Variants in FRK observed in about 807,000 individuals in gnomAD.
The protein encoded by FRK is tyrosine-protein kinase FRK.
In FRK, 51 loss-of-function variants were observed where a neutral mutation model predicts 56.4. The ratio of observed to expected loss-of-function variants is 0.90; its 90% CI spans 0.72 to 1.14. The LOEUF is 1.14. FRK is among the 50% of genes most tolerant of loss of function. FRK has a pLI of 0.00. For synonymous variants in FRK, 245 were observed against 217.9 expected (o/e 1.12, Z -1.10); for missense variants, 570 against 601.4 (o/e 0.95, Z 0.55).
chr6:115,942,186 A>G lies in FRK; in HGVS notation c.*228T>C. ...AAAAATAACTTGGTTTAGTGTGCTT[A>G]ATTTTACCAGGCAGTGAGGAAATTA... On this transcript the variant is annotated 3_prime_UTR_variant, in exon 8 of 8. Transcript: ENST00000606080. The G allele has an allele frequency of 4.6e-6, 2 of 430,656 alleles. No individual in the cohort carries two copies. The highest frequency in any genetic ancestry group is 5.6e-5 in the South Asian group (2 of 35,574). The allele number at this position is 430,656 out of a possible 1,614,324, so 26.7% of individuals were successfully genotyped here. A position where few individuals can be genotyped will look rare whatever the true frequency, so the allele number is the denominator to read the frequency against.
At chr6:115,947,963 C>T (rs750558844) in intron 5 of FRK, among the ~76,000 whole-genome samples, 2 of 152,128 alleles carry the variant, frequency 1.3e-5, no homozygotes, top group Non-Finnish European at 2.9e-5. Flanking sequence ...TTACCAGTAC[C>T]TCCTGATATT....
At chr6:115,997,216 A>G (rs1774874215) in intron 2 of FRK, among the ~76,000 whole-genome samples, 2 of 152,208 alleles carry the variant, frequency 1.3e-5, no homozygotes, top group African/African-American at 2.4e-5. Flanking sequence ...ATTACTTTGA[A>G]GAGCAAAACA....
intron 2 of FRK, among the ~76,000 whole-genome samples, chr6:115,986,386 A>G (rs1231908635): frequency 4.6e-5 from 7 of 152,268 alleles, no homozygotes; most frequent in Admixed American, 2.0e-4. Flanking sequence ...CAGTCGAGCC[A>G]TGACCAAACC....
chr6:115,952,732 C>G (rs1427536225), intron 5 of FRK, among the ~76,000 whole-genome samples: 5 of 151,762 alleles, frequency 3.3e-5, no homozygotes, highest in Non-Finnish European at 7.4e-5. Context: ...CCATGGAATA[C>G]TATGCAGCCA....
the FRK span, among the ~76,000 whole-genome samples, chr6:116,087,409 G>C: frequency 6.6e-6 from 1 of 152,202 alleles, no homozygotes; most frequent in Non-Finnish European, 1.5e-5. Context: ...GATCAGCCCT[G>C]CCCTCTGCAC....
At chr6:116,001,759 T>C (rs1009279) in intron 2 of FRK, among the ~76,000 whole-genome samples, 1,917 of 152,312 alleles carry the variant, frequency 0.013, 11 homozygotes, top group Middle Eastern at 0.024. Flanking sequence ...TGCATCTTTG[T>C]TTTACACAGA....
chr6:116,068,482 A>T, the FRK span, among the ~76,000 whole-genome samples: 1 of 152,198 alleles, frequency 6.6e-6, no homozygotes, highest in Non-Finnish European at 1.5e-5. Context: ...CGGAACTTAG[A>T]AGACATCAAA....
chr6:115,984,528 G>T (rs1297298538), intron 2 of FRK, among the ~76,000 whole-genome samples: 1 of 151,916 alleles, frequency 6.6e-6, no homozygotes, highest in Non-Finnish European at 1.5e-5. Flanking sequence ...CAACCTATTG[G>T]CTCAATAAGA....
intron 1 of FRK, among the ~76,000 whole-genome samples, chr6:116,058,671 G>A (rs1033909744): frequency 7.9e-5 from 12 of 152,048 alleles, no homozygotes; most frequent in Admixed American, 2.0e-4. Flanking sequence ...AGCACTTTGG[G>A]AGGCCGAGGC....
the FRK span, among the ~76,000 whole-genome samples, chr6:116,078,095 G>A: frequency 6.6e-6 from 1 of 152,182 alleles, no homozygotes; most frequent in Non-Finnish European, 1.5e-5. Context: ...GGGAAGCGAA[G>A]GTTGCAGTGA....
chr6:116,087,895 A>C, the FRK span, among the ~76,000 whole-genome samples: 1,912 of 152,282 alleles, frequency 0.013, 32 homozygotes, highest in African/African-American at 0.043. Context: ...GACCCACCTC[A>C]ACAGAGCTCT....
the FRK span, among the ~76,000 whole-genome samples, chr6:116,087,364 C>A: frequency 1.3e-5 from 2 of 152,148 alleles, no homozygotes; most frequent in Non-Finnish European, 2.9e-5. Context: ...CCAATGTACC[C>A]AACACATACC....
the FRK span, among the ~76,000 whole-genome samples, chr6:116,088,532 T>G: frequency 6.6e-6 from 1 of 152,246 alleles, no homozygotes; most frequent in African/African-American, 2.4e-5. Context: ...TTGTTGCATA[T>G]GTACACACAT....
At chr6:116,008,675 C>T (rs1775345143) in intron 1 of FRK, among the ~76,000 whole-genome samples, 5 of 152,162 alleles carry the variant, frequency 3.3e-5, no homozygotes, top group Admixed American at 3.3e-4. Flanking sequence ...TCAAGTCTGC[C>T]TTTTAGAGCC....
At chr6:116,024,821 G>A (rs1184531539) in intron 1 of FRK, among the ~76,000 whole-genome samples, 1 of 152,122 alleles carries the variant, frequency 6.6e-6, no homozygotes, top group African/African-American at 2.4e-5. Flanking sequence ...TCCAGTTCTA[G>A]ATCCCTGAGG....
At chr6:115,949,610 A>T (rs1772629955) in intron 5 of FRK, among the ~76,000 whole-genome samples, 1 of 152,226 alleles carries the variant, frequency 6.6e-6, no homozygotes, top group Non-Finnish European at 1.5e-5. Context: ...ATACTGCCCA[A>T]AGTAATTTAA....
chr6:116,096,713 G>A, the FRK span, among the ~76,000 whole-genome samples: 31 of 152,344 alleles, frequency 2.0e-4, no homozygotes, highest in Middle Eastern at 3.4e-3. Context: ...TCAGCAGGAC[G>A]TGTGCAGGGA....
intron 1 of FRK, among the ~76,000 whole-genome samples, chr6:116,033,388 C>T (rs1776365039): frequency 6.6e-6 from 1 of 152,056 alleles, no homozygotes; most frequent in African/African-American, 2.4e-5. Flanking sequence ...TTGTCCTAAG[C>T]CCATAGATCA....
chr6:116,071,278 G>T, the FRK span, among the ~76,000 whole-genome samples: 22 of 152,264 alleles, frequency 1.4e-4, no homozygotes, highest in African/African-American at 5.3e-4. Context: ...CAGAAAGTCT[G>T]TAATATGTGC....
Sources: allele counts gnomAD v4.1 joint callset (sites outside exome capture counted in the v4.1 genomes callset), GRCh38; gene constraint gnomAD v4.1.1; transcripts MANE v1.5; gene names NCBI Gene and HGNC (gene_info 2026-07-23, HGNC 2026-07-21).